ROBO3: variants seen among roughly 807,000 people sequenced by gnomAD.
The protein encoded by ROBO3 is roundabout guidance receptor 3.
Under a neutral mutation model 160.5 loss-of-function variants are expected in ROBO3, and 97 were observed. The ratio of observed to expected loss-of-function variants is 0.60; its 90% confidence interval spans 0.51 to 0.72. The LOEUF (loss-of-function observed/expected upper bound fraction) is 0.72, where lower values mean the gene tolerates loss of function less well. Among genes scored for constraint, ROBO3 ranks in the 30% least tolerant of loss-of-function variants. ROBO3 has a pLI of 0.00. For synonymous variants in ROBO3, 780 were observed against 746.2 expected, an observed-to-expected ratio of 1.05 and a Z score of -0.74; for missense variants, 1,858 against 1,846.5, an observed-to-expected ratio of 1.01 and a Z score of -0.11.
intron 1 of ROBO3, 53 bp from the exon 2 acceptor site, chr11:124,868,749 T>C: frequency 1.3e-6 from 2 of 1,521,104 alleles, no homozygotes; most frequent in Non-Finnish European, 9.0e-7. Context: ...GGAGCCTCAA[T>C]CTCTCCCCAC....
chr11:124,879,562 G>A lies in ROBO3; in HGVS notation c.3783G>A (p.Glu1261=). 1 of 1,612,994 alleles carries A rather than the reference G, an allele frequency of 6.2e-7. No homozygotes were observed. Among genetic ancestry groups the A allele is most frequent in the East Asian group, 2.2e-5 (1 of 44,854 alleles). Reference sequence around the variant, plus strand: ...CCAAGGCTCTTCCCTACAGGAGGGAGAACAGTCCTGGGGGTGAGGGGGGAT... The same window carrying A: ...CCAAGGCTCTTCCCTACAGGAGGGAAAACAGTCCTGGGGGTGAGGGGGGAT... ...KKPKALPYRR[E]NSPGDLPPPP... is the part of the protein sequence containing the mutation. The change falls in exon 25 of 28, where the codon GAG becomes GAA. Residue 1261 remains glutamate (E), a synonymous_variant. Coordinates refer to ENST00000397801, the MANE Select transcript of ROBO3 (RefSeq NM_022370.4).
At chr11:124,874,941 G>A (rs751609386) in intron 13 of ROBO3, 32 bp downstream of exon 13, 17 of 1,594,428 alleles carry the variant, frequency 1.1e-5, no homozygotes, top group East Asian at 6.8e-5. Flanking sequence ...GATTCAGGGT[G>A]GGGATGATTA....
Position 124,870,317 on chromosome 11 carries a change from T to A in ROBO3, c.905+14T>A. 1 of 1,610,814 alleles carries A rather than the reference T, an allele frequency of 6.2e-7. No individual in the cohort carries two copies. Among genetic ancestry groups the A allele is most frequent in the Non-Finnish European group, 8.5e-7 (1 of 1,178,442 alleles). On this transcript the variant is annotated intron_variant, in intron 5 of 27. Coordinates refer to ENST00000397801, the MANE Select transcript of ROBO3 (RefSeq NM_022370.4). ...GCCCACAGGCAGGTGAGAGACCCCC[T>A]TCTGCCTGTAGGAAGACCCAACCTG...
rs1182021228 is a variant in ROBO3 at position 124,875,658 on chromosome 11, G to C, written c.2394G>C (p.Gln798His). Residue 798 changes from glutamine (Q) to histidine (H), a missense_variant, in exon 15 of 28, where the codon CAG becomes CAC. Gln to His is a conservative substitution (Grantham distance 24). Transcript: ENST00000397801. ...CCTGGGAACCTCCACTCCCCTCCCA[G>C]CAAAATGGGGTCATCACGGAATACC... ...TVSWEPPLPS[Q>H]QNGVITEYQI... 6.2e-7 allele frequency: 1 copy of C among 1,609,298 alleles called. No homozygotes were observed. Among genetic ancestry groups the C allele is most frequent in the Non-Finnish European group, 8.5e-7 (1 of 1,177,980 alleles).
chr11:124,878,174 G>T lies in ROBO3; in HGVS notation c.3181+43G>T, dbSNP rs778544489. ...GAAACCCCGTTTAGCCCTGACCAGG[G>T]TATCCCCAAAGAGGATCCTCCTCCC... On this transcript the variant is annotated intron_variant, in intron 21 of 27. Coordinates refer to ENST00000397801, the MANE Select transcript of ROBO3 (RefSeq NM_022370.4). This position sits in a 1 kb window ranked among gnomAD's most constrained non-coding sequence, Gnocchi z 4.3. 2 of 1,574,218 alleles carry T rather than the reference G, an allele frequency of 1.3e-6. No individual in the cohort carries two copies. The highest frequency in any genetic ancestry group is 2.3e-5 in the South Asian group (2 of 86,036).
rs2135328879 is a variant in ROBO3, at chr11:124,872,485, C to T, written c.1263C>T (p.Tyr421=). 1.2e-6 allele frequency: 2 copies of T among 1,613,970 alleles called. No homozygotes were observed. The highest frequency in any genetic ancestry group is 1.7e-6 in the Non-Finnish European group (2 of 1,179,890). Residue 421 remains tyrosine (Y), a synonymous_variant, in exon 8 of 28, where the codon TAC becomes TAT. Transcript: ENST00000397801. This position sits in a 1 kb window ranked among gnomAD's most constrained non-coding sequence, Gnocchi z 4.3. ...CGGTGCAGCGTGGGGATGCTGGGTACTACGTGTGCCAGGCTGTCAGTGTGG... is the reference window on the plus strand; with the variant it reads ...CGGTGCAGCGTGGGGATGCTGGGTATTACGTGTGCCAGGCTGTCAGTGTGG... The part of the protein sequence containing the change: ...ITAVQRGDAG[Y]YVCQAVSVAG...
chr11:124,868,706 A>C (rs1228862143), intron 1 of ROBO3, 96 bp from the exon 2 acceptor site: 2 of 1,241,814 alleles, frequency 1.6e-6, no homozygotes, highest in South Asian at 2.6e-5. Context: ...GAAGCATAGG[A>C]GATGGAACGA....
At chr11:124,874,599 A>C (rs1425711657) in intron 12 of ROBO3, among the ~76,000 whole-genome samples, 189 bp from the exon 13 acceptor site, 1 of 152,222 alleles carries the variant, frequency 6.6e-6, no homozygotes, top group South Asian at 2.1e-4. Flanking sequence ...TAAAGGATGC[A>C]TGTGTAATTA....
chr11:124,878,025 G>C lies in ROBO3; in HGVS notation c.3075G>C (p.Ala1025=), dbSNP rs776648534. 6.2e-7 allele frequency: 1 copy of C among 1,612,434 alleles called. No individual in the cohort carries two copies. Among genetic ancestry groups the C allele is most frequent in the South Asian group, 1.1e-5 (1 of 90,774 alleles). ...EGPVYSTIDP[A]GEELQTFHGG... ...CTGTCTATAGCACCATTGACCCAGC[G>C]GGGGAGGAGCTGCAGACCTTCCATG... The change falls in exon 21 of 28, where the codon GCG becomes GCC. Residue 1025 remains alanine, a synonymous_variant. Coordinates refer to ENST00000397801, the MANE Select transcript of ROBO3 (RefSeq NM_022370.4). This position sits in a 1 kb window ranked among gnomAD's most constrained non-coding sequence, Gnocchi z 4.3.
rs1202835803 is a variant in ROBO3, at chr11:124,879,074, C to A, written c.3534-116C>A. 6.4e-6 allele frequency: 8 copies of A among 1,244,144 alleles called. No homozygotes were observed. The East Asian group carries it at 1.8e-4, about 28-fold the overall frequency. 77.1% of individuals were successfully genotyped at this position (1,244,144 alleles called of 1,614,324 possible). A position where few individuals can be genotyped will look rare whatever the true frequency, so the allele number is the denominator to read the frequency against. On this transcript the variant is annotated intron_variant, in intron 23 of 27. Coordinates refer to ENST00000397801, the MANE Select transcript of ROBO3 (RefSeq NM_022370.4). ...TCTCTAGCTTGGGAGGACTTACGGG[C>A]GGACGGGTTGTGTCTCGTTTATCTG...
rs1378834140 is a variant in ROBO3, at chr11:124,878,765, A to G, written c.3502A>G (p.Thr1168Ala). The change falls in exon 23 of 28, where the codon ACT (threonine) becomes GCT (alanine). Residue 1168 changes from threonine (T) to alanine (A), a missense_variant. By Grantham distance (58) the Thr-to-Ala change is moderately conservative. Coordinates refer to ENST00000397801, the MANE Select transcript of ROBO3 (RefSeq NM_022370.4). The surrounding 1 kb of genome is among the most constrained non-coding windows in gnomAD (Gnocchi z 4.3). ...ACCTCCTGACCCTCCCCAGCCCCCA[A>G]CTGACATGCCCCATCTCCATCAGAT... ...PSPPDPPQPPTDMPHLHQMPR... is the reference protein window; with the variant it reads ...PSPPDPPQPPADMPHLHQMPR... 3.7e-6 allele frequency: 6 copies of G among 1,613,464 alleles called. No homozygotes were observed. The highest frequency in any genetic ancestry group is 3.3e-5 in the South Asian group (3 of 91,064).
rs2135331620 is a variant in ROBO3 at position 124,874,254 on chromosome 11, G to A, written c.1951+18G>A. The stretch of plus-strand genomic sequence containing the variant: ...TACACAGGGTAAGGTCAGAGTCCCT[G>A]GGCTCATGAGCATGAAATGTAACAT... On this transcript the variant is annotated intron_variant, in intron 12 of 27. Coordinates refer to ENST00000397801, the MANE Select transcript of ROBO3 (RefSeq NM_022370.4). 6.3e-7 allele frequency: 1 copy of A among 1,598,596 alleles called. No individual in the cohort carries two copies. The highest frequency in any genetic ancestry group is 1.3e-5 in the African/African-American group (1 of 74,562).
chr11:124,875,076 T>TC (rs759929801), intron 13 of ROBO3, 35 bp from the exon 14 acceptor site: 1 of 1,554,512 alleles, frequency 6.4e-7, no homozygotes, highest in Non-Finnish European at 8.7e-7. Context: ...GGCCCCAGCC[T>TC]CCCCTTCTGG....
intron 27 of ROBO3, among the ~76,000 whole-genome samples, chr11:124,880,897 T>C (rs1349534385): frequency 6.6e-6 from 1 of 151,818 alleles, no homozygotes; most frequent in Non-Finnish European, 1.5e-5. Context: ...CTACAAAAAA[T>C]ACAAAATTAG....
Position 124,869,264 on chromosome 11 carries a change from A to ATC in ROBO3, c.487+140_487+141dup. 3.5e-6 allele frequency: 4 copies of ATC among 1,140,912 alleles called. No individual in the cohort carries two copies. The highest frequency in any genetic ancestry group is 5.1e-6 in the Non-Finnish European group (4 of 782,192). The allele number at this position is 1,140,912 out of a possible 1,614,324, so 70.7% of individuals were successfully genotyped here. On this transcript the variant is annotated intron_variant, in intron 2 of 27. Transcript: ENST00000397801. The surrounding 1 kb of genome is among the most constrained non-coding windows in gnomAD (Gnocchi z 4.2). ...TCCTTCTTTGGGACCGCGACCTTTG[A>ATC]TCTCTAATGGCCACACCACGGCCAG...
chr11:124,870,986 G>A, intron 6 of ROBO3, 28 bp from the exon 7 acceptor site: 1 of 1,597,084 alleles, frequency 6.3e-7, no homozygotes. Context: ...CTGACTACCT[G>A]TTCCTTTTTC....
intron 1 of ROBO3, among the ~76,000 whole-genome samples, chr11:124,867,079 A>G (rs1390096295): frequency 4.6e-5 from 7 of 152,184 alleles, no homozygotes; most frequent in Admixed American, 3.9e-4. Context: ...TATAGAGTGA[A>G]TGGTGCCCTA....
intron 15 of ROBO3, 43 bp from the exon 16 acceptor site, chr11:124,875,911 G>A: frequency 1.9e-6 from 3 of 1,569,128 alleles, no homozygotes; most frequent in Non-Finnish European, 2.6e-6. Flanking sequence ...GTGAGGCTAA[G>A]AATCCCATTT....
chr11:124,870,465 G>A, intron 5 of ROBO3, 136 bp from the exon 6 acceptor site: 1 of 1,470,914 alleles, frequency 6.8e-7, no homozygotes. Context: ...TCCATTGATG[G>A]GTCCATGGGT....
Sources: gnomAD v4.1 joint callset for allele counts (sites outside exome capture counted in the v4.1 genomes callset) on GRCh38, gnomAD v4.1.1 for gene constraint, Gnocchi (gnomAD v3.1) non-coding constraint, MANE v1.5 for transcripts, NCBI Gene and HGNC (gene_info 2026-07-23, HGNC 2026-07-21) for gene names.